Variants in PON3 observed in about 807,000 individuals in gnomAD.
PON3 encodes the protein serum paraoxonase/lactonase 3.
PON3 carries 37 observed loss-of-function variants against 36.3 expected under a neutral mutation model. That is an observed-to-expected ratio of 1.02 (90% CI 0.78 to 1.34). The LOEUF is 1.34. PON3 is among the 40% of genes most tolerant of loss of function. The probability of loss-of-function intolerance (pLI) is 0.00; values close to 1 mark genes in which losing one functional copy is unlikely to be tolerated. For synonymous variants in PON3, 155 were observed against 154.8 expected, an observed-to-expected ratio of 1.00 and a Z score of -0.01; for missense variants, 415 against 426.5, an observed-to-expected ratio of 0.97 and a Z score of 0.24.
In PON3 at chr7:95,372,876, C is replaced by T. The variant is rs547646134; in HGVS notation, c.202-538G>A. ...AAGGATACCAGTCTTATATAGTTGA[C>T]TATTTTTGACCTATTTTGTTCCTAT... On this transcript the variant is annotated intron_variant, in intron 3 of 8. Transcript: ENST00000265627. 6.6e-5 allele frequency among the ~76,000 whole-genome samples: 10 copies of T among 152,288 alleles called. No individual in the cohort carries two copies. In the South Asian group the frequency reaches 2.1e-3, roughly 32 times the overall value.
intron 4 of PON3, among the ~76,000 whole-genome samples, chr7:95,370,459 G>A (rs1051972093): frequency 2.6e-5 from 4 of 152,138 alleles, no homozygotes; most frequent in Non-Finnish European, 5.9e-5. Context: ...ATTTTATTTC[G>A]AGAAGTAAAG....
chr7:95,384,878 C>T (rs1809152380), intron 3 of PON3, among the ~76,000 whole-genome samples: 1 of 152,086 alleles, frequency 6.6e-6, no homozygotes, highest in Non-Finnish European at 1.5e-5. Context: ...AATATAAATC[C>T]TGCTGCTATA....
intron 5 of PON3, among the ~76,000 whole-genome samples, chr7:95,367,014 C>T (rs1808711401): frequency 6.6e-6 from 1 of 152,146 alleles, no homozygotes; most frequent in Non-Finnish European, 1.5e-5. Flanking sequence ...CAGAACACAA[C>T]CTACTAGGAC....
chr7:95,365,990 A>C (rs1808682592), intron 5 of PON3: 1 of 135,354 alleles, frequency 7.4e-6, no homozygotes, highest in Non-Finnish European at 1.5e-5. Flanking sequence ...TCGCCTTCTG[A>C]GGAAGTGGTG....
At chr7:95,384,323 G>A (rs1478376056) in intron 3 of PON3, among the ~76,000 whole-genome samples, 1 of 152,112 alleles carries the variant, frequency 6.6e-6, no homozygotes, top group Non-Finnish European at 1.5e-5. Flanking sequence ...AACACCAAAA[G>A]CAATGGCAAC....
At chr7:95,374,171 C>A (rs1373023539) in intron 3 of PON3, among the ~76,000 whole-genome samples, 1 of 152,156 alleles carries the variant, frequency 6.6e-6, no homozygotes, top group Admixed American at 6.5e-5. Context: ...GACCACTGTT[C>A]TAGAGCCCAT....
intron 3 of PON3, among the ~76,000 whole-genome samples, chr7:95,378,425 G>A (rs994542941): frequency 3.3e-5 from 5 of 152,196 alleles, no homozygotes; most frequent in African/African-American, 1.2e-4. Flanking sequence ...TACTCCTTGA[G>A]AAGAGCAACT....
At chr7:95,381,870 A>T (rs1404566332) in intron 3 of PON3, among the ~76,000 whole-genome samples, 1 of 152,210 alleles carries the variant, frequency 6.6e-6, no homozygotes, top group Non-Finnish European at 1.5e-5. Context: ...ACATCTACAG[A>T]ACTCTCCACC....
rs999875392 is a variant in PON3 at position 95,396,199 on chromosome 7, G to A, written c.74+78C>T. On this transcript the variant is annotated intron_variant, in intron 1 of 8. Transcript: ENST00000265627. ...TGCTCTTTCCTACCCGCTAGGAAGG[G>A]GGCGCCAGGCAGCCCCTGACCTCAC... 31 of 1,497,794 alleles carry A rather than the reference G, an allele frequency of 2.1e-5. No individual in the cohort carries two copies. In the South Asian group the frequency reaches 3.4e-4, roughly 16 times the overall value. The allele number at this position is 1,497,794 out of a possible 1,614,324, so 92.8% of individuals were successfully genotyped here. A position where few individuals can be genotyped will look rare whatever the true frequency, so the allele number is the denominator to read the frequency against.
intron 5 of PON3, chr7:95,364,882 TAA>T (rs934864559): frequency 6.6e-6 from 1 of 151,994 alleles, no homozygotes; most frequent in Non-Finnish European, 1.5e-5. Context: ...GTAAGAAAAA[TAA>T]AGTCATTTTT....
chr7:95,362,908 G>A, intron 6 of PON3, 67 bp from the exon 7 acceptor site: 1 of 1,188,760 alleles, frequency 8.4e-7, no homozygotes, highest in East Asian at 2.3e-5. Context: ...TTTTATTTTG[G>A]AGAAGAGGTA....
At chr7:95,374,797 G>A (rs1006883882) in intron 3 of PON3, among the ~76,000 whole-genome samples, 5 of 151,968 alleles carry the variant, frequency 3.3e-5, no homozygotes, top group African/African-American at 9.7e-5. Context: ...TTATCAAAAC[G>A]TCAAAAGTTG....
At chr7:95,367,806 C>T (rs1808731801) in intron 4 of PON3, among the ~76,000 whole-genome samples, 1 of 152,202 alleles carries the variant, frequency 6.6e-6, no homozygotes, top group African/African-American at 2.4e-5. Flanking sequence ...GATGCATAAA[C>T]AGGGATGTGG....
At chr7:95,363,555 G>A in intron 6 of PON3, 1 of 401,982 alleles carries the variant, frequency 2.5e-6, no homozygotes, top group South Asian at 2.3e-5. Flanking sequence ...TAAGGGGCAG[G>A]GGTATTGCTC....
intron 5 of PON3, among the ~76,000 whole-genome samples, chr7:95,366,488 A>G (rs1562770058): frequency 6.6e-6 from 1 of 152,204 alleles, no homozygotes; most frequent in Admixed American, 6.5e-5. Flanking sequence ...AGAGCAAAGG[A>G]AAGAAGATGA....
chr7:95,370,164 C>A (rs1031390535), intron 4 of PON3, among the ~76,000 whole-genome samples: 3 of 152,008 alleles, frequency 2.0e-5, no homozygotes, highest in African/African-American at 7.3e-5. Context: ...AGTGACAGAA[C>A]AATATGAAAA....
chr7:95,370,646 G>C (rs959424382), intron 4 of PON3, among the ~76,000 whole-genome samples: 21 of 152,012 alleles, frequency 1.4e-4, no homozygotes, highest in African/African-American at 5.1e-4. Flanking sequence ...AAGTTTCCCT[G>C]TTCTTAATTT....
chr7:95,393,840 C>T (rs1316874454), intron 2 of PON3, among the ~76,000 whole-genome samples: 1 of 152,030 alleles, frequency 6.6e-6, no homozygotes, highest in Non-Finnish European at 1.5e-5. Flanking sequence ...AGGGACTGGG[C>T]CATGGATTTT....
intron 1 of PON3, among the ~76,000 whole-genome samples, chr7:95,395,506 T>C (rs978090879): frequency 6.6e-6 from 1 of 152,194 alleles, no homozygotes; most frequent in Non-Finnish European, 1.5e-5. Flanking sequence ...CTGGAAGTAT[T>C]ACTAATAGGC....
Sources: allele counts gnomAD v4.1 joint callset (sites outside exome capture counted in the v4.1 genomes callset), GRCh38; gene constraint gnomAD v4.1.1; transcripts MANE v1.5; gene names NCBI Gene and HGNC (gene_info 2026-07-23, HGNC 2026-07-21).